EYS: variants seen among roughly 807,000 people sequenced by gnomAD.
EYS encodes the protein EGF-like photoreceptor maintenance factor.
A neutral mutation model predicts 282.1 loss-of-function variants in EYS; 250 were observed. The ratio of observed to expected loss-of-function variants is 0.89; its 90% CI spans 0.80 to 0.98. The LOEUF is 0.98. Ranked by LOEUF, EYS falls within the 50% of genes least tolerant of loss-of-function variation. The pLI is 0.00. For synonymous variants in EYS, 1,355 were observed against 1,282.9 expected, an observed-to-expected ratio of 1.06 and a Z score of -1.20; for missense variants, 4,016 against 3,709.0, an observed-to-expected ratio of 1.08 and a Z score of -2.15.
chr6:64,421,629 C>T (rs899025476), intron 28 of EYS, among the ~76,000 whole-genome samples: 5 of 151,984 alleles, frequency 3.3e-5, no homozygotes, highest in Admixed American at 6.6e-5. Flanking sequence ...TAATCCACTT[C>T]CTAAATGCTA....
intron 31 of EYS, among the ~76,000 whole-genome samples, chr6:64,125,041 C>G (rs910974748): frequency 6.6e-6 from 1 of 151,890 alleles, no homozygotes; most frequent in Non-Finnish European, 1.5e-5. Flanking sequence ...AAGTTCTGAT[C>G]AAAATTTAAA....
intron 30 of EYS, among the ~76,000 whole-genome samples, chr6:64,298,608 A>G (rs1769122567): frequency 6.6e-6 from 1 of 152,174 alleles, no homozygotes; most frequent in Admixed American, 6.5e-5. Flanking sequence ...ATGGTAATGT[A>G]AAAAATGAGA....
intron 31 of EYS, among the ~76,000 whole-genome samples, chr6:64,193,060 C>G (rs904906315): frequency 2.6e-5 from 4 of 152,128 alleles, no homozygotes; most frequent in Non-Finnish European, 4.4e-5. Flanking sequence ...AACAAAAATC[C>G]TCTCACCTTG....
In EYS at chr6:65,695,778, ATCTT is replaced by A. The variant is rs565317852; in HGVS notation, c.-448+11353_-448+11356del. ...TTTTTGTTGACTTTTATAGAAAACTATCTTTATAGTCAAGTATGAAGCTATATAA... is the reference window on the plus strand; with the variant it reads ...TTTTTGTTGACTTTTATAGAAAACTATATAGTCAAGTATGAAGCTATATAA... On this transcript the variant is annotated intron_variant, in intron 1 of 42. Transcript: ENST00000503581. Among the ~76,000 whole-genome samples, 12 of 152,092 alleles carry A rather than the reference ATCTT, an allele frequency of 7.9e-5. 1 individual carries two copies. The South Asian group carries it at 2.3e-3, about 29-fold the overall frequency.
intron 33 of EYS, among the ~76,000 whole-genome samples, chr6:64,045,710 G>A (rs921214843): frequency 2.0e-5 from 3 of 150,866 alleles, no homozygotes; most frequent in African/African-American, 7.3e-5. Context: ...GCCTCCCAAA[G>A]TGCTGGGATT....
At chr6:64,359,629 C>A (rs1486697779) in intron 29 of EYS, among the ~76,000 whole-genome samples, 1 of 151,678 alleles carries the variant, frequency 6.6e-6, no homozygotes, top group Non-Finnish European at 1.5e-5. Flanking sequence ...GCTAGAAATT[C>A]AAAGATTGGG....
intron 28 of EYS, among the ~76,000 whole-genome samples, chr6:64,391,510 A>G (rs1466625149): frequency 6.6e-6 from 1 of 151,980 alleles, no homozygotes; most frequent in African/African-American, 2.4e-5. Context: ...CCAGAATTTC[A>G]TATCCAGCCA....
At position 65,101,248 on chromosome 6, in the gene EYS, T is replaced by C. The variant is rs148513808; in HGVS notation, c.2024-43521A>G. ...GGCTGAGGAACGAGGCAATATAATA[T>C]TGAAAACATTTGAAGTTTTTAAATT... On this transcript the variant is annotated intron_variant, in intron 12 of 42. Coordinates refer to ENST00000503581, the MANE Select transcript of EYS (RefSeq NM_001142800.2). Among the ~76,000 whole-genome samples the C allele has an allele frequency of 7.2e-3, 1,084 of 151,208 alleles. 16 individuals are homozygous for C. The highest frequency in any genetic ancestry group is 0.025 in the African/African-American group (1,027 of 41,460).
intron 19 of EYS, among the ~76,000 whole-genome samples, chr6:64,875,058 G>A (rs879833749): frequency 2.0e-5 from 3 of 152,038 alleles, no homozygotes; most frequent in Admixed American, 6.6e-5. Context: ...TTTACTGCAG[G>A]AAGTATCAAG....
At chr6:64,533,182 T>C (rs1285114959) in intron 26 of EYS, among the ~76,000 whole-genome samples, 1 of 152,136 alleles carries the variant, frequency 6.6e-6, no homozygotes, top group Non-Finnish European at 1.5e-5. Flanking sequence ...AGAAAACTTA[T>C]TTAAAAAGAT....
chr6:64,103,270 T>C (rs1772895974), intron 31 of EYS, among the ~76,000 whole-genome samples: 1 of 152,180 alleles, frequency 6.6e-6, no homozygotes, highest in Non-Finnish European at 1.5e-5. Context: ...ACATGAATAC[T>C]ATTGTTAAAA....
At chr6:64,136,591 T>C (rs1442852902) in intron 31 of EYS, among the ~76,000 whole-genome samples, 1 of 152,136 alleles carries the variant, frequency 6.6e-6, no homozygotes, top group Non-Finnish European at 1.5e-5. Flanking sequence ...TGTTGTATTG[T>C]CAGGCATGAA....
chr6:65,397,577 T>G (rs980387604), intron 7 of EYS, among the ~76,000 whole-genome samples: 1 of 137,654 alleles, frequency 7.3e-6, no homozygotes, highest in South Asian at 2.5e-4. Context: ...CTAAGTTGTA[T>G]TTCATGGTGT....
chr6:64,925,770 A>T (rs73767187), intron 15 of EYS, among the ~76,000 whole-genome samples: 4,787 of 152,174 alleles, frequency 0.031, 237 homozygotes, highest in African/African-American at 0.11. Context: ...GTTGTAGAAC[A>T]TTCAGTGGTC....
chr6:64,441,957 G>T (rs1386163387), intron 26 of EYS, among the ~76,000 whole-genome samples: 1 of 152,150 alleles, frequency 6.6e-6, no homozygotes, highest in Non-Finnish European at 1.5e-5. Context: ...AGTGGGCACT[G>T]CTGAAAAGAT....
intron 22 of EYS, among the ~76,000 whole-genome samples, chr6:64,745,985 G>T (rs1016630908): frequency 1.8e-4 from 28 of 152,024 alleles, no homozygotes; most frequent in Non-Finnish European, 1.5e-5. Context: ...AGGGAATGCA[G>T]AACAGGCACT....
At chr6:63,805,102 T>C (rs1169426498) in intron 37 of EYS, among the ~76,000 whole-genome samples, 1 of 152,144 alleles carries the variant, frequency 6.6e-6, no homozygotes, top group Non-Finnish European at 1.5e-5. Context: ...AATATGTTAT[T>C]TACCCTAGCA....
intron 26 of EYS, among the ~76,000 whole-genome samples, chr6:64,586,050 T>C (rs928639900): frequency 6.6e-6 from 1 of 152,116 alleles, no homozygotes; most frequent in African/African-American, 2.4e-5. Context: ...TGGATATTTG[T>C]GTCTACTCTA....
intron 12 of EYS, among the ~76,000 whole-genome samples, chr6:65,272,876 A>C (rs545308090): frequency 1.8e-4 from 28 of 152,288 alleles, no homozygotes; most frequent in Admixed American, 5.2e-4. Flanking sequence ...CCACAGATGA[A>C]TAAGATTAAG....
Sources: allele counts gnomAD v4.1 joint callset (sites outside exome capture counted in the v4.1 genomes callset), GRCh38; gene constraint gnomAD v4.1.1; transcripts MANE v1.5; gene names NCBI Gene and HGNC (gene_info 2026-07-23, HGNC 2026-07-21).